The following IGSF8 variants were observed in gnomAD, a reference collection of about 807,000 sequenced individuals.
IGSF8 encodes the protein CD81 partner 3.
A neutral mutation model predicts 55.5 loss-of-function variants in IGSF8; 46 were observed. That is an observed-to-expected ratio of 0.83 (90% CI 0.65 to 1.06). The LOEUF (loss-of-function observed/expected upper bound fraction) is 1.06, where lower values mean the gene tolerates loss of function less well. IGSF8 is among the 50% of genes least tolerant of loss of function. The pLI is 0.00. For missense variants in IGSF8, 731 were observed against 832.3 expected, an observed-to-expected ratio of 0.88 and a Z score of 1.50; for synonymous variants, 314 against 356.1, an observed-to-expected ratio of 0.88 and a Z score of 1.33.
Position 160,091,593 on chromosome 1 carries a change from T to G in IGSF8, c.*31A>C, listed in dbSNP as rs1649955666. 1.9e-6 allele frequency: 1 copy of G among 529,562 alleles called. No homozygotes were observed. The highest frequency in any genetic ancestry group is 3.3e-5 in the Admixed American group (1 of 30,658). The allele number at this position is 529,562 out of a possible 1,614,324, so 32.8% of individuals were successfully genotyped here. On this transcript the variant is annotated 3_prime_UTR_variant, in exon 7 of 7. Coordinates refer to ENST00000314485, the MANE Select transcript of IGSF8 (RefSeq NM_052868.6). ...GGCTTGGAGCTGGGCCGGAAGACAGTCGACACCTGCAAGACCTGAAAAGGG... is the reference window on the plus strand; with the variant it reads ...GGCTTGGAGCTGGGCCGGAAGACAGGCGACACCTGCAAGACCTGAAAAGGG...
At position 160,092,463 on chromosome 1, in the gene IGSF8, G is replaced by A. The variant is rs999799896; in HGVS notation, c.1545C>T (p.Gly515=). Reference sequence around the variant, plus strand: ...GCCCCACCAGCTCTACGCTGACAGGGCCTCCTCCAGGCCGGACTCCCAGCT... The same window carrying A: ...GCCCCACCAGCTCTACGCTGACAGGACCTCCTCCAGGCCGGACTCCCAGCT... ...VAELGVRPGG[G]PVSVELVGPR... is the part of the protein sequence containing the mutation. The change falls in exon 5 of 7, where the codon GGC becomes GGT. Residue 515 remains glycine, a synonymous_variant. Transcript: ENST00000314485. 8.1e-6 allele frequency: 13 copies of A among 1,613,028 alleles called. No homozygotes were observed. The highest frequency in any genetic ancestry group is 1.1e-5 in the Non-Finnish European group (13 of 1,179,528).
At chr1:160,097,932 C>T in intron 1 of IGSF8, 2 of 985,486 alleles carry the variant, frequency 2.0e-6, no homozygotes, top group Non-Finnish European at 2.4e-6. Flanking sequence ...GTGCGTGGAG[C>T]GCAACTGGGA....
chr1:160,093,735 C>G lies in IGSF8; in HGVS notation c.879G>C (p.Leu293=). 1 of 1,611,066 alleles carries G rather than the reference C, an allele frequency of 6.2e-7. No individual in the cohort carries two copies. The highest frequency in any genetic ancestry group is 8.5e-7 in the Non-Finnish European group (1 of 1,178,126). Residue 293 remains leucine (L), a synonymous_variant, in exon 3 of 7, where the codon CTG becomes CTC. Coordinates refer to ENST00000314485, the MANE Select transcript of IGSF8 (RefSeq NM_052868.6). ...ACAGCGTCTGCACATCCACGTGGGC[C>G]AGGACGGCCCTTTTCTCTGCAATCT... ...WAQIAEKRAV[L]AHVDVQTLSS...
rs372497187 is a variant in IGSF8 at position 160,093,292 on chromosome 1, C to T, written c.944G>A (p.Arg315Gln). 8 of 1,603,058 alleles carry T rather than the reference C, an allele frequency of 5.0e-6. No individual in the cohort carries two copies. The highest frequency in any genetic ancestry group is 2.2e-5 in the East Asian group (1 of 44,592). Residue 315 changes from arginine (R) to glutamine (Q), a missense_variant, in exon 4 of 7, where the codon CGG becomes CAG. Transcript: ENST00000314485. ...LAVTVGPGER[R>Q]IGPGEPLELL... ...TTCCAAGGGCTCCCCTGGGCCGATCCGACGTTCACCAGGCCCCACTGTCAC... is the reference window on the plus strand; with the variant it reads ...TTCCAAGGGCTCCCCTGGGCCGATCTGACGTTCACCAGGCCCCACTGTCAC...
Position 160,094,096 on chromosome 1 carries a change from C to T in IGSF8, c.518G>A (p.Arg173His), listed in dbSNP as rs375434609. Reference sequence around the variant, plus strand: ...CTCCTGCCCCTCATGCACCGTCATGCGTGGGGGTGAGGTTGGGGCCTGGCG... The same window carrying T: ...CTCCTGCCCCTCATGCACCGTCATGTGTGGGGGTGAGGTTGGGGCCTGGCG... ...RGRQAPTSPP[R>H]MTVHEGQELA... is the part of the protein sequence containing the mutation. The change falls in exon 3 of 7, where the codon CGC (arginine) becomes CAC (histidine). Residue 173 changes from arginine to histidine, a missense_variant. Coordinates refer to ENST00000314485, the MANE Select transcript of IGSF8 (RefSeq NM_052868.6). The surrounding 1 kb of genome is among the most constrained non-coding windows in gnomAD (Gnocchi z 4.0). 3.0e-5 allele frequency: 48 copies of T among 1,611,664 alleles called. No individual in the cohort carries two copies. The highest frequency in any genetic ancestry group is 1.8e-4 in the Admixed American group (11 of 60,008).
At position 160,092,334 on chromosome 1, in the gene IGSF8, G is replaced by A; in HGVS notation, c.1674C>T (p.Tyr558=). 1 of 1,614,072 alleles carries A rather than the reference G, an allele frequency of 6.2e-7. No homozygotes were observed. The highest frequency in any genetic ancestry group is 1.1e-5 in the South Asian group (1 of 91,088). ...GCCCTGAGCGGGCACTGCCCGCCTG[G>A]TACCAGCTGTAGTCGGCATGCTGCA... ...AWVQHADYSW[Y]QAGSARSGPV... Residue 558 remains tyrosine (Y), a synonymous_variant, in exon 5 of 7, where the codon TAC becomes TAT. Coordinates refer to ENST00000314485, the MANE Select transcript of IGSF8 (RefSeq NM_052868.6).
At position 160,092,333 on chromosome 1, in the gene IGSF8, G is replaced by A. The variant is rs1650025199; in HGVS notation, c.1675C>T (p.Gln559Ter). 6.2e-7 allele frequency: 1 copy of A among 1,613,954 alleles called. No homozygotes were observed. The highest frequency in any genetic ancestry group is 2.2e-5 in the East Asian group (1 of 44,894). ...GGCCCTGAGCGGGCACTGCCCGCCTGGTACCAGCTGTAGTCGGCATGCTGC... is the reference window on the plus strand; with the variant it reads ...GGCCCTGAGCGGGCACTGCCCGCCTAGTACCAGCTGTAGTCGGCATGCTGC... Reference protein sequence around the residue: ...WVQHADYSWYQAGSARSGPVT... With the variant: ...WVQHADYSWY Residue 559 changes from glutamine (Q) to a stop codon, truncating the protein, a stop_gained, in exon 5 of 7, where the codon CAG becomes TAG. Coordinates refer to ENST00000314485, the MANE Select transcript of IGSF8 (RefSeq NM_052868.6). LOFTEE classifies it high-confidence loss of function.
chr1:160,098,747 G>A (rs1451448639), upstream of IGSF8: 2 of 289,980 alleles, frequency 6.9e-6, no homozygotes, highest in Non-Finnish European at 1.1e-5. Flanking sequence ...CCCGGACCCA[G>A]CCTTGGCCCT....
In IGSF8 at chr1:160,092,306, CAG is replaced by C. The variant is rs762983278; in HGVS notation, c.1700_1701del (p.Pro567ArgfsTer120). 1.2e-6 allele frequency: 2 copies of C among 1,614,012 alleles called. No individual in the cohort carries two copies. The highest frequency in any genetic ancestry group is 1.7e-6 in the Non-Finnish European group (2 of 1,179,976). ...CCATGCATGTAGGGGTAGACTGTAA[CAG>C]GCCCTGAGCGGGCACTGCCCGCCTG... is the stretch of plus-strand genomic sequence containing the variant. The part of the protein sequence containing the change: ...WYQAGSARSG[P>X]VTVYPYMHAL... On this transcript the variant is annotated frameshift_variant, in exon 5 of 7. Transcript: ENST00000314485. LOFTEE classifies it high-confidence loss of function.
At position 160,097,977 on chromosome 1, in the gene IGSF8, C is replaced by T. The variant is rs1389786796; in HGVS notation, c.64+432G>A. On this transcript the variant is annotated intron_variant, in intron 1 of 6. Coordinates refer to ENST00000314485, the MANE Select transcript of IGSF8 (RefSeq NM_052868.6). ...TTCAAAGATCGTGGGCAGAACTGGC[C>T]TCTGGGCCTCCAGCCAACTCTGGGG... 1.6e-5 allele frequency: 16 copies of T among 985,506 alleles called. No individual in the cohort carries two copies. The East Asian group carries it at 1.5e-3, about 91-fold the overall frequency. 61.0% of individuals were successfully genotyped at this position (985,506 alleles called of 1,614,324 possible). A position where few individuals can be genotyped will look rare whatever the true frequency, so the allele number is the denominator to read the frequency against.
In IGSF8 at chr1:160,093,115, T is replaced by C. The variant is rs1557986744; in HGVS notation, c.1121A>G (p.Tyr374Cys). The C allele has an allele frequency of 3.1e-6, 5 of 1,613,760 alleles. No individual in the cohort carries two copies. ...CTCCATGGCAATGTGTCGGCCCTCA[T>C]AGCCAGGGCCCAGGCTGCCCACACC... ...TEGVGSLGPG[Y>C]EGRHIAMEKV... The change falls in exon 4 of 7, where the codon TAT (tyrosine) becomes TGT (cysteine). Residue 374 changes from tyrosine (Y) to cysteine (C), a missense_variant. Coordinates refer to ENST00000314485, the MANE Select transcript of IGSF8 (RefSeq NM_052868.6).
rs964692774 is a variant in IGSF8, at chr1:160,091,777, A to G, written c.*15+31T>C. ...GGACTTGGGGGTGGGAAGCCCAATG[A>G]AAACAAGGTTGGGGGGTTCTTTTCC... is the stretch of plus-strand genomic sequence containing the variant. On this transcript the variant is annotated intron_variant, in intron 6 of 6. Transcript: ENST00000314485. 4 of 1,435,292 alleles carry G rather than the reference A, an allele frequency of 2.8e-6. No individual in the cohort carries two copies. In the South Asian group the frequency reaches 3.4e-5, roughly 12 times the overall value. 88.9% of individuals were successfully genotyped at this position (1,435,292 alleles called of 1,614,324 possible). A position where few individuals can be genotyped will look rare whatever the true frequency, so the allele number is the denominator to read the frequency against.
In IGSF8 at chr1:160,091,827, C is replaced by T. The variant is rs775645824; in HGVS notation, c.1838G>A (p.Arg613Gln). 16 of 1,611,540 alleles carry T rather than the reference C, an allele frequency of 9.9e-6. No individual in the cohort carries two copies. The East Asian group carries it at 1.1e-4, about 11-fold the overall frequency. Reference protein sequence around the residue: ...TCCFMKRLRKR With the variant: ...TCCFMKRLRKQ Reference sequence around the variant, plus strand: ...CCTCACCTGGGGAGTAAGGGATCACCGTTTTCGAAGCCTCTTCATGAAGCA... The same window carrying T: ...CCTCACCTGGGGAGTAAGGGATCACTGTTTTCGAAGCCTCTTCATGAAGCA... The change falls in exon 6 of 7, where the codon CGG (arginine) becomes CAG (glutamine). Residue 613 changes from arginine to glutamine, a missense_variant. Physicochemically the swap from Arg to Gln is conservative, Grantham distance 43. Coordinates refer to ENST00000314485, the MANE Select transcript of IGSF8 (RefSeq NM_052868.6).
rs1410111697 is a variant in IGSF8, at chr1:160,095,192, A to T, written c.119T>A (p.Val40Glu). The change falls in exon 2 of 7, where the codon GTG (valine) becomes GAG (glutamate). Residue 40 changes from valine to glutamate, a missense_variant. Physicochemically the swap from Val to Glu is moderately radical, Grantham distance 121. Coordinates refer to ENST00000314485, the MANE Select transcript of IGSF8 (RefSeq NM_052868.6). ...GGAGATGGAGACAGCTGTGCCAGCC[A>T]CGCGGTACAAGGGCCCCTCGGGGAC... ...VLVPEGPLYR[V>E]AGTAVSISCN... is the part of the protein sequence containing the mutation. 6.2e-7 allele frequency: 1 copy of T among 1,610,362 alleles called. No individual in the cohort carries two copies. Among genetic ancestry groups the T allele is most frequent in the South Asian group, 1.1e-5 (1 of 91,090 alleles).
chr1:160,096,755 TGGAG>T (rs71842036), intron 1 of IGSF8, among the ~76,000 whole-genome samples: 7,138 of 152,312 alleles, frequency 0.047, 254 homozygotes, highest in Non-Finnish European at 0.071. Flanking sequence ...GTTTCCACAC[TGGAG>T]GAGAACTAAG....
chr1:160,092,387 C>G lies in IGSF8; in HGVS notation c.1621G>C (p.Val541Leu). 6.2e-7 allele frequency: 1 copy of G among 1,611,120 alleles called. No individual in the cohort carries two copies. The highest frequency in any genetic ancestry group is 2.2e-5 in the East Asian group (1 of 44,764). The change falls in exon 5 of 7, where the codon GTG becomes CTG. Residue 541 changes from valine to leucine, a missense_variant. By Grantham distance (32) the Val-to-Leu change is conservative. Coordinates refer to ENST00000314485, the MANE Select transcript of IGSF8 (RefSeq NM_052868.6). ...LHSLGPEDEG[V>L]YHCAPSAWVQ... ...CAGGCGCTGGGGGCACAGTGGTACACGCCTTCATCCTCGGGCCCCAAGCTG... is the reference window on the plus strand; with the variant it reads ...CAGGCGCTGGGGGCACAGTGGTACAGGCCTTCATCCTCGGGCCCCAAGCTG...
Position 160,094,131 on chromosome 1 carries a change from C to A in IGSF8, c.483G>T (p.Gly161=). 1.2e-6 allele frequency: 2 copies of A among 1,606,150 alleles called. No homozygotes were observed. The highest frequency in any genetic ancestry group is 1.1e-5 in the South Asian group (1 of 90,974). The change falls in exon 3 of 7, where the codon GGG becomes GGT. Residue 161 remains glycine (G), a synonymous_variant. Transcript: ENST00000314485. This position sits in a 1 kb window ranked among gnomAD's most constrained non-coding sequence, Gnocchi z 4.0. The stretch of plus-strand genomic sequence containing the variant: ...AGGTTGGGGCCTGGCGGCCTCGGGG[C>A]CCTGGGGGGGCAGCAGACACCTGGA... ...DVLQVSAAPP[G]PRGRQAPTSP...
chr1:160,092,865 A>T lies in IGSF8; in HGVS notation c.1312+59T>A, dbSNP rs1650083532. The T allele has an allele frequency of 2.5e-5, 39 of 1,538,476 alleles. 1 individual carries two copies. In the South Asian group the frequency reaches 4.8e-4, roughly 19 times the overall value. ...TGACGGAGAGGGAGGGGTCATGGAA[A>T]CAGAAGGAAAAGGGGTTGACAATCC... is the stretch of plus-strand genomic sequence containing the variant. On this transcript the variant is annotated intron_variant, in intron 4 of 6. Coordinates refer to ENST00000314485, the MANE Select transcript of IGSF8 (RefSeq NM_052868.6).
rs755867439 is a variant in IGSF8, at chr1:160,095,030, C to T, written c.281G>A (p.Arg94Gln). 98 of 1,614,054 alleles carry T rather than the reference C, an allele frequency of 6.1e-5. No individual in the cohort carries two copies. The highest frequency in any genetic ancestry group is 1.1e-4 in the East Asian group (5 of 44,900). ...CACCTGCACCTCACCCGCCACCACT[C>T]GGGACTTGAAGACAGCATAGGAGAA... ...TQFSYAVFKS[R>Q]VVAGEVQVQR... Residue 94 changes from arginine to glutamine, a missense_variant, in exon 2 of 7, where the codon CGA becomes CAA. Physicochemically the swap from Arg to Gln is conservative, Grantham distance 43. Transcript: ENST00000314485.
Sources: allele counts gnomAD v4.1 joint callset (sites outside exome capture counted in the v4.1 genomes callset), GRCh38; gene constraint gnomAD v4.1.1; non-coding constraint Gnocchi (gnomAD v3.1); transcripts MANE v1.5; gene names NCBI Gene and HGNC (gene_info 2026-07-23, HGNC 2026-07-21).